ASTN2: variants seen among roughly 807,000 people sequenced by gnomAD.
ASTN2 encodes the protein astrotactin-2.
In ASTN2, 54 loss-of-function variants were observed where a neutral mutation model predicts 139.8. That is an observed-to-expected ratio of 0.39 (90% CI 0.31 to 0.48). The LOEUF (loss-of-function observed/expected upper bound fraction) is 0.48. Ranked by LOEUF, ASTN2 falls within the 20% of genes least tolerant of loss-of-function variation. The pLI, the probability that ASTN2 is intolerant of heterozygous loss-of-function variation, is 0.95. For synonymous variants in ASTN2, 756 were observed against 719.5 expected (o/e 1.05, Z -0.81); for missense variants, 1,565 against 1,725.1 (o/e 0.91, Z 1.64).
chr9:117,242,239 C>T (rs531826600), intron 2 of ASTN2, among the ~76,000 whole-genome samples: 94 of 152,136 alleles, frequency 6.2e-4, no homozygotes, highest in African/African-American at 2.2e-3. Flanking sequence ...TACATCCTCC[C>T]AAGCATTCCT....
chr9:116,765,211 C>T (rs1337437338), intron 13 of ASTN2, among the ~76,000 whole-genome samples: 1 of 152,112 alleles, frequency 6.6e-6, no homozygotes, highest in Non-Finnish European at 1.5e-5. Flanking sequence ...ATGAACCTTT[C>T]CTTGCAGAGA....
chr9:117,351,878 C>A (rs1829403493), intron 1 of ASTN2, among the ~76,000 whole-genome samples: 1 of 152,164 alleles, frequency 6.6e-6, no homozygotes, highest in South Asian at 2.1e-4. Flanking sequence ...GTCCTGCACA[C>A]TGACATCTGG....
chr9:116,698,909 C>A lies in ASTN2; in HGVS notation c.2806+26862G>T, dbSNP rs2132074143. On this transcript the variant is annotated intron_variant, in intron 16 of 22. Transcript: ENST00000313400. The surrounding 1 kb of genome is among the most constrained non-coding windows in gnomAD (Gnocchi z 4.4). Reference sequence around the variant, plus strand: ...GTCAAGGTGAAGTACTAGTCGCTGACCGTGGTAACTATCGTATACAAGTCT... The same window carrying A: ...GTCAAGGTGAAGTACTAGTCGCTGAACGTGGTAACTATCGTATACAAGTCT... 1.2e-6 allele frequency: 2 copies of A among 1,614,186 alleles called. No individual in the cohort carries two copies. Among genetic ancestry groups the A allele is most frequent in the Non-Finnish European group, 1.7e-6 (2 of 1,180,036 alleles).
intron 1 of ASTN2, among the ~76,000 whole-genome samples, chr9:117,356,634 G>A (rs995175206): frequency 3.3e-5 from 5 of 151,998 alleles, no homozygotes; most frequent in Non-Finnish European, 5.9e-5. Context: ...TGTAAAATAC[G>A]GGTGCTTAAA....
At chr9:117,267,794 T>C (rs924821931) in intron 2 of ASTN2, among the ~76,000 whole-genome samples, 8 of 152,166 alleles carry the variant, frequency 5.3e-5, no homozygotes, top group African/African-American at 1.4e-4. Context: ...TGATGTTTCA[T>C]GATGAGGGGA....
chr9:117,219,629 G>A (rs1206953986), intron 2 of ASTN2, among the ~76,000 whole-genome samples: 1 of 152,200 alleles, frequency 6.6e-6, no homozygotes, highest in African/African-American at 2.4e-5. Context: ...TAGTTACAGG[G>A]TTGCTTCTGT....
chr9:116,951,277 C>T (rs985041402), intron 10 of ASTN2, among the ~76,000 whole-genome samples: 5 of 127,408 alleles, frequency 3.9e-5, no homozygotes, highest in African/African-American at 1.2e-4. Flanking sequence ...GCAGAGGTTG[C>T]AGTGAGCCAA....
chr9:117,110,205 A>T (rs997765766), intron 4 of ASTN2, among the ~76,000 whole-genome samples: 4 of 152,140 alleles, frequency 2.6e-5, no homozygotes, highest in Non-Finnish European at 5.9e-5. Context: ...AAATTGCTGC[A>T]AGCAGTGCAA....
intron 2 of ASTN2, among the ~76,000 whole-genome samples, chr9:117,264,753 T>G (rs1175102915): frequency 6.6e-6 from 1 of 152,238 alleles, no homozygotes. Flanking sequence ...ATACTGGAAG[T>G]GTTAGGCTTA....
At chr9:117,082,326 C>A (rs1022109349) in intron 5 of ASTN2, among the ~76,000 whole-genome samples, 1 of 152,172 alleles carries the variant, frequency 6.6e-6, no homozygotes, top group South Asian at 2.1e-4. Context: ...TTCAGTGGCT[C>A]ACCTTCTTGG....
At chr9:117,241,274 C>T (rs933402425) in intron 2 of ASTN2, among the ~76,000 whole-genome samples, 2 of 152,172 alleles carry the variant, frequency 1.3e-5, no homozygotes, top group African/African-American at 4.8e-5. Flanking sequence ...GAAAATTTGA[C>T]AACTGCACTC....
chr9:116,572,569 A>G (rs1346395154), intron 19 of ASTN2, among the ~76,000 whole-genome samples: 2 of 152,200 alleles, frequency 1.3e-5, no homozygotes, highest in Non-Finnish European at 2.9e-5. Context: ...TCTTAAGCAG[A>G]TGGTGAGGAA....
At chr9:116,845,270 A>G (rs528206925) in intron 11 of ASTN2, among the ~76,000 whole-genome samples, 1 of 152,202 alleles carries the variant, frequency 6.6e-6, no homozygotes, top group East Asian at 1.9e-4. Flanking sequence ...GCCTGCCACC[A>G]TGCCTGGCTA....
At chr9:116,854,017 C>T (rs1431573731) in intron 11 of ASTN2, among the ~76,000 whole-genome samples, 1 of 152,102 alleles carries the variant, frequency 6.6e-6, no homozygotes, top group East Asian at 1.9e-4. Flanking sequence ...ATGAATTTGT[C>T]CTGGTTAAGG....
chr9:116,676,305 G>A (rs1208408078), intron 16 of ASTN2, among the ~76,000 whole-genome samples: 1 of 152,170 alleles, frequency 6.6e-6, no homozygotes, highest in East Asian at 1.9e-4. Context: ...ATAGCAAAAA[G>A]GATTTGTGAG....
rs543647893 is a variant in ASTN2, at chr9:116,939,404, T to A, written c.1889+35804A>T. Among the ~76,000 whole-genome samples the A allele has an allele frequency of 7.9e-5, 12 of 152,182 alleles. No homozygotes were observed. The South Asian group carries it at 1.5e-3, about 18-fold the overall frequency. The stretch of plus-strand genomic sequence containing the variant: ...ATATTTGCTTTTGTTATTTAAAAAA[T>A]TTATTATTATTATCATTATTCCAAC... On this transcript the variant is annotated intron_variant, in intron 10 of 22. Transcript: ENST00000313400.
At chr9:117,167,869 A>C (rs2132916838) in intron 3 of ASTN2, among the ~76,000 whole-genome samples, 1 of 152,268 alleles carries the variant, frequency 6.6e-6, no homozygotes, top group Non-Finnish European at 1.5e-5. Context: ...AAGAATATCC[A>C]AGGTAACATA....
chr9:116,845,117 ATTCT>A lies in ASTN2; in HGVS notation c.2040+18462_2040+18465del, dbSNP rs977749941. On this transcript the variant is annotated intron_variant, in intron 11 of 22. Coordinates refer to ENST00000313400, the MANE Select transcript of ASTN2 (RefSeq NM_001365068.1). Reference sequence around the variant, plus strand: ...CCTGCTCTCTCCACTGTACCATACCATTCTTTCTTTTTTTTGAGACGGAGTCTCA... The same window carrying A: ...CCTGCTCTCTCCACTGTACCATACCATTCTTTTTTTTGAGACGGAGTCTCA... 1.4e-4 allele frequency among the ~76,000 whole-genome samples: 21 copies of A among 152,132 alleles called. 1 individual carries two copies. Among genetic ancestry groups the A allele is most frequent in the African/African-American group, 5.1e-4 (21 of 41,504 alleles).
intron 4 of ASTN2, among the ~76,000 whole-genome samples, chr9:117,111,768 A>G (rs777882148): frequency 3.3e-5 from 5 of 152,160 alleles, no homozygotes; most frequent in Non-Finnish European, 5.9e-5. Context: ...ACTGCTGAAA[A>G]TGAAATATAT....
Sources: gnomAD v4.1 joint callset for allele counts (sites outside exome capture counted in the v4.1 genomes callset) on GRCh38, gnomAD v4.1.1 for gene constraint, Gnocchi (gnomAD v3.1) non-coding constraint, MANE v1.5 for transcripts, NCBI Gene and HGNC (gene_info 2026-07-23, HGNC 2026-07-21) for gene names.